The following PRKAB1 variants were observed in gnomAD, a reference collection of about 807,000 sequenced individuals.
PRKAB1 encodes the protein protein kinase AMP-activated non-catalytic subunit beta 1.
A neutral mutation model predicts 32.0 loss-of-function variants in PRKAB1; 18 were observed. The ratio of observed to expected loss-of-function variants is 0.56; its 90% CI spans 0.39 to 0.83. PRKAB1 has a LOEUF of 0.83. PRKAB1 is among the 40% of genes least tolerant of loss of function. PRKAB1 has a pLI of 0.00. For missense variants in PRKAB1, 263 were observed against 352.6 expected, an observed-to-expected ratio of 0.75 and a Z score of 2.03; for synonymous variants, 141 against 141.4, an observed-to-expected ratio of 1.00 and a Z score of 0.02.
intron 1 of PRKAB1, chr12:119,669,312 G>A (rs1233821623): frequency 1.4e-5 from 2 of 142,026 alleles, no homozygotes; most frequent in African/African-American, 5.3e-5. Flanking sequence ...CTGTCGCCCA[G>A]GCTGGAGTGC....
Position 119,674,507 on chromosome 12 carries a change from C to T in PRKAB1, c.532+53C>T. Reference sequence around the variant, plus strand: ...TGCGTGCAGGTGGGGGCTGTACAGTCTAGACATACTCTTGTTTCTCTTGCC... The same window carrying T: ...TGCGTGCAGGTGGGGGCTGTACAGTTTAGACATACTCTTGTTTCTCTTGCC... On this transcript the variant is annotated intron_variant, in intron 4 of 6. Coordinates refer to ENST00000229328, the MANE Select transcript of PRKAB1 (RefSeq NM_006253.5). The surrounding 1 kb of genome is among the most constrained non-coding windows in gnomAD (Gnocchi z 4.3). 1 of 1,308,626 alleles carries T rather than the reference C, an allele frequency of 7.6e-7. No individual in the cohort carries two copies. The allele number at this position is 1,308,626 out of a possible 1,614,324, so 81.1% of individuals were successfully genotyped here.
In PRKAB1 at chr12:119,676,567, A is replaced by T; in HGVS notation, c.563A>T (p.His188Leu). The change falls in exon 5 of 7, where the codon CAT (histidine) becomes CTT (leucine). Residue 188 changes from histidine to leucine, a missense_variant. Physicochemically the swap from His to Leu is moderately conservative, Grantham distance 99. Coordinates refer to ENST00000229328, the MANE Select transcript of PRKAB1 (RefSeq NM_006253.5). ...TCCAGTTCTCCCCCAGGACCCTACC[A>T]TCAGGAGCCCTACGTCTGCAAACCC... ...ELSSSPPGPY[H>L]QEPYVCKPEE... 6.2e-7 allele frequency: 1 copy of T among 1,613,670 alleles called. No homozygotes were observed. Among genetic ancestry groups the T allele is most frequent in the Non-Finnish European group, 8.5e-7 (1 of 1,179,628 alleles).
intron 4 of PRKAB1, among the ~76,000 whole-genome samples, chr12:119,676,298 C>T (rs1270818860): frequency 1.3e-5 from 2 of 152,134 alleles, no homozygotes; most frequent in African/African-American, 4.8e-5. Flanking sequence ...CTGGCTGGGC[C>T]GTGTCTTCCA....
rs1593333180 is a variant in PRKAB1 at position 119,679,218 on chromosome 12, A to G, written c.667-715A>G. The stretch of plus-strand genomic sequence containing the variant: ...AGTCACATCAGGCTTGGCTGGTGCC[A>G]GATCCTTGGTAGTTGGTGCTCTCAG... On this transcript the variant is annotated intron_variant, in intron 5 of 6. Transcript: ENST00000229328. This position sits in a 1 kb window ranked among gnomAD's most constrained non-coding sequence, Gnocchi z 4.1. 6.6e-6 allele frequency: 1 copy of G among 152,300 alleles called. No homozygotes were observed. The highest frequency in any genetic ancestry group is 1.5e-5 in the Non-Finnish European group (1 of 68,100). 9.4% of individuals were successfully genotyped at this position (152,300 alleles called of 1,614,324 possible).
At chr12:119,668,460 C>A in intron 1 of PRKAB1, 57 bp downstream of exon 1, 1 of 1,582,554 alleles carries the variant, frequency 6.3e-7, no homozygotes, top group Non-Finnish European at 8.6e-7. Flanking sequence ...GAGAGGAACC[C>A]TCCACTAGAT....
At chr12:119,680,143 C>A in intron 6 of PRKAB1, 105 bp from the exon 7 acceptor site, 1 of 1,486,098 alleles carries the variant, frequency 6.7e-7, no homozygotes, top group Non-Finnish European at 9.3e-7. Context: ...GGTTCTGAAG[C>A]TGGCCCGGGA....
rs1206221754 is a variant in PRKAB1 at position 119,674,883 on chromosome 12, TA to T, written c.532+430del. ...CACCTCAGTGACCTTAGCAGTCACT[TA>T]TGTGGTACATTAGCACCTTGTCAGA... On this transcript the variant is annotated intron_variant, in intron 4 of 6. Coordinates refer to ENST00000229328, the MANE Select transcript of PRKAB1 (RefSeq NM_006253.5). The surrounding 1 kb of genome is among the most constrained non-coding windows in gnomAD (Gnocchi z 4.3). Among the ~76,000 whole-genome samples, 1 of 152,242 alleles carries T rather than the reference TA, an allele frequency of 6.6e-6. No individual in the cohort carries two copies. The highest frequency in any genetic ancestry group is 2.4e-5 in the African/African-American group (1 of 41,468).
At chr12:119,676,264 T>G (rs986537389) in intron 4 of PRKAB1, among the ~76,000 whole-genome samples, 2 of 152,166 alleles carry the variant, frequency 1.3e-5, no homozygotes, top group Non-Finnish European at 2.9e-5. Flanking sequence ...GAGAATAGCC[T>G]CCTTGTGATC....
In PRKAB1 at chr12:119,672,363, C is replaced by T. The variant is rs1210653232; in HGVS notation, c.222C>T (p.Pro74=). ...ATCTGGAAGTGAATGATAAAGCTCC[C>T]GCCCAGGCTCGGCCAACGGTGTTTC... ...QHDLEVNDKA[P]AQARPTVFRW... is the part of the protein sequence containing the mutation. Residue 74 remains proline (P), a synonymous_variant, in exon 2 of 7, where the codon CCC becomes CCT. Coordinates refer to ENST00000229328, the MANE Select transcript of PRKAB1 (RefSeq NM_006253.5). 5 of 1,612,940 alleles carry T rather than the reference C, an allele frequency of 3.1e-6. No individual in the cohort carries two copies. The highest frequency in any genetic ancestry group is 4.2e-6 in the Non-Finnish European group (5 of 1,179,586).
intron 2 of PRKAB1, 69 bp downstream of exon 2, chr12:119,672,533 G>C: frequency 7.1e-7 from 1 of 1,399,252 alleles, no homozygotes; most frequent in Admixed American, 2.8e-5. Flanking sequence ...ACATCTCTGA[G>C]AGAGAACAGA....
intron 4 of PRKAB1, 45 bp from the exon 5 acceptor site, chr12:119,676,492 A>T: frequency 1.3e-6 from 2 of 1,539,962 alleles, no homozygotes; most frequent in Non-Finnish European, 1.8e-6. Context: ...CTGCTCCTAG[A>T]ATGCCTGATT....
At chr12:119,673,231 AAAAAG>A (rs1173500451) in intron 2 of PRKAB1, among the ~76,000 whole-genome samples, 24 of 152,252 alleles carry the variant, frequency 1.6e-4, no homozygotes, top group African/African-American at 5.3e-4. Flanking sequence ...CTTTGTCTCC[AAAAAG>A]AAAAGAAAAA....
At chr12:119,671,918 C>G (rs1181202564) in intron 1 of PRKAB1, among the ~76,000 whole-genome samples, 1 of 152,236 alleles carries the variant, frequency 6.6e-6, no homozygotes, top group Non-Finnish European at 1.5e-5. Flanking sequence ...ACATCATGCA[C>G]ATGACTGTAC....
rs1449052638 is a variant in PRKAB1, at chr12:119,674,650, C to T, written c.532+196C>T. On this transcript the variant is annotated intron_variant, in intron 4 of 6. Coordinates refer to ENST00000229328, the MANE Select transcript of PRKAB1 (RefSeq NM_006253.5). This position sits in a 1 kb window ranked among gnomAD's most constrained non-coding sequence, Gnocchi z 4.3. ...GCCCTAAGGGAGCTACAAGTCATTT[C>T]CCTGGTCATCTCAGGTATTCAGTAG... Among the ~76,000 whole-genome samples, 1 of 152,220 alleles carries T rather than the reference C, an allele frequency of 6.6e-6. No homozygotes were observed. Among genetic ancestry groups the T allele is most frequent in the Non-Finnish European group, 1.5e-5 (1 of 68,040 alleles).
intron 1 of PRKAB1, among the ~76,000 whole-genome samples, chr12:119,670,902 G>C (rs1955383369): frequency 6.6e-6 from 1 of 152,232 alleles, no homozygotes; most frequent in Non-Finnish European, 1.5e-5. Flanking sequence ...GTCGGTATTT[G>C]AGATGAAGGT....
chr12:119,670,324 G>C (rs147349704), intron 1 of PRKAB1, among the ~76,000 whole-genome samples: 1 of 152,328 alleles, frequency 6.6e-6, no homozygotes, highest in East Asian at 1.9e-4. Context: ...TTGCTTGGCA[G>C]CTCATTCCAT....
rs1319163692 is a variant in PRKAB1, at chr12:119,680,279, G to A, written c.767G>A (p.Arg256Gln). 3.1e-6 allele frequency: 5 copies of A among 1,613,962 alleles called. No homozygotes were observed. Among genetic ancestry groups the A allele is most frequent in the Non-Finnish European group, 4.2e-6 (5 of 1,180,028 alleles). ...GTGATGGTGCTCAGCGCAACCCACC[G>A]GTACAAGAAGAAGTACGTCACCACC... ...DGVMVLSATH[R>Q]YKKKYVTTLL... The change falls in exon 7 of 7, where the codon CGG becomes CAG. Residue 256 changes from arginine to glutamine, a missense_variant. Coordinates refer to ENST00000229328, the MANE Select transcript of PRKAB1 (RefSeq NM_006253.5).
rs994838633 is a variant in PRKAB1 at position 119,674,884 on chromosome 12, A to G, written c.532+430A>G. On this transcript the variant is annotated intron_variant, in intron 4 of 6. Coordinates refer to ENST00000229328, the MANE Select transcript of PRKAB1 (RefSeq NM_006253.5). The surrounding 1 kb of genome is among the most constrained non-coding windows in gnomAD (Gnocchi z 4.3). ...ACCTCAGTGACCTTAGCAGTCACTTATGTGGTACATTAGCACCTTGTCAGA... is the reference window on the plus strand; with the variant it reads ...ACCTCAGTGACCTTAGCAGTCACTTGTGTGGTACATTAGCACCTTGTCAGA... Among the ~76,000 whole-genome samples the G allele has an allele frequency of 1.3e-5, 2 of 152,346 alleles. No individual in the cohort carries two copies. Among genetic ancestry groups the G allele is most frequent in the East Asian group, 3.9e-4 (2 of 5,172 alleles).
chr12:119,673,413 C>T (rs1955401506), intron 2 of PRKAB1, among the ~76,000 whole-genome samples: 1 of 152,184 alleles, frequency 6.6e-6, no homozygotes. Flanking sequence ...TGCCTGCTTT[C>T]CAGCGTTTCC....
Sources: allele counts gnomAD v4.1 joint callset (sites outside exome capture counted in the v4.1 genomes callset), GRCh38; gene constraint gnomAD v4.1.1; non-coding constraint Gnocchi (gnomAD v3.1); transcripts MANE v1.5; gene names NCBI Gene and HGNC (gene_info 2026-07-23, HGNC 2026-07-21).